PRKX: variants seen among roughly 807,000 people sequenced by gnomAD.
PRKX encodes the protein cAMP-dependent protein kinase catalytic subunit PRKX.
Under a neutral mutation model 22.0 loss-of-function variants are expected in PRKX, and 12 were observed. The observed-to-expected ratio is 0.54, with a 90% CI of 0.35 to 0.88. The LOEUF (loss-of-function observed/expected upper bound fraction) is 0.88. Ranked by LOEUF, PRKX falls within the 40% of genes least tolerant of loss-of-function variation. PRKX has a pLI of 0.01. For synonymous variants in PRKX, 134 were observed against 137.7 expected, an observed-to-expected ratio of 0.97 and a Z score of 0.19; for missense variants, 217 against 308.0, an observed-to-expected ratio of 0.70 and a Z score of 2.21.
chrX:3,676,996 T>C (rs1356985358), intron 1 of PRKX, among the ~76,000 whole-genome samples: 2 of 111,937 alleles, frequency 1.8e-5, no homozygotes, highest in Non-Finnish European at 1.9e-5. Context: ...CTCTTTCCTT[T>C]ATAAATTAAC....
At chrX:3,654,043 TTATA>T (rs1183966514) in intron 3 of PRKX, among the ~76,000 whole-genome samples, 36 of 82,967 alleles carry the variant, frequency 4.3e-4, no homozygotes, top group African/African-American at 1.6e-3. Context: ...AATATATATA[TTATA>T]TATATTATAT....
chrX:3,653,851 T>TATATATATTATATATTATATACTATGTG (rs1927404244), intron 3 of PRKX, among the ~76,000 whole-genome samples: 8 of 77,505 alleles, frequency 1.0e-4, no homozygotes, highest in Admixed American at 2.0e-4. Context: ...TACTATGTGA[T>TATATATATTATATATTATATACTATGTG]ATATATATTA....
At chrX:3,705,536 G>A (rs753457374) in intron 1 of PRKX, among the ~76,000 whole-genome samples, 7 of 111,209 alleles carry the variant, frequency 6.3e-5, no homozygotes, top group Non-Finnish European at 1.1e-4. Context: ...CAGAAACATC[G>A]GTTCCACCTT....
At chrX:3,663,051 G>C (rs1212409586) in intron 2 of PRKX, among the ~76,000 whole-genome samples, 1 of 106,430 alleles carries the variant, frequency 9.4e-6, no homozygotes, top group Non-Finnish European at 1.9e-5. Context: ...AGATGCCCAG[G>C]TTGGTCTCAA....
chrX:3,664,101 T>G (rs1927669654), intron 2 of PRKX, among the ~76,000 whole-genome samples: 1 of 111,957 alleles, frequency 8.9e-6, no homozygotes, highest in Admixed American at 9.5e-5. Flanking sequence ...AACACTGCCT[T>G]GCACAGCTGA....
chrX:3,699,319 G>A (rs890514429), intron 1 of PRKX, among the ~76,000 whole-genome samples: 1 of 109,568 alleles, frequency 9.1e-6, no homozygotes. Flanking sequence ...TTACAGGCGG[G>A]AGCCACCGTG....
chrX:3,692,999 G>A (rs1170498199), intron 1 of PRKX, among the ~76,000 whole-genome samples: 1 of 111,176 alleles, frequency 9.0e-6, no homozygotes, highest in Non-Finnish European at 1.9e-5. Flanking sequence ...AAAAAAAGGA[G>A]TCAATATAAT....
intron 2 of PRKX, among the ~76,000 whole-genome samples, chrX:3,662,017 T>C (rs1172573599): frequency 1.8e-5 from 2 of 112,122 alleles, no homozygotes; most frequent in African/African-American, 6.5e-5. Flanking sequence ...ACATTCTTTA[T>C]TGGTTTCCAA....
intron 4 of PRKX, among the ~76,000 whole-genome samples, chrX:3,637,981 C>T (rs112772796): frequency 4.5e-5 from 5 of 110,218 alleles, no homozygotes; most frequent in Non-Finnish European, 9.5e-5. Flanking sequence ...AGGCTGGTCT[C>T]GAACTCCTGA....
At chrX:3,655,018 T>C in intron 3 of PRKX, 131 bp downstream of exon 3, 2 of 943,047 alleles carry the variant, frequency 2.1e-6, no homozygotes, top group Non-Finnish European at 2.9e-6. Flanking sequence ...TCATCCCTGG[T>C]TGCAAGTGTC....
At chrX:3,626,660 CTGAA>C in intron 4 of PRKX, 146 bp from the exon 5 acceptor site, 1 of 513,427 alleles carries the variant, frequency 1.9e-6, no homozygotes, top group Non-Finnish European at 3.4e-6. Context: ...TTGTCACGAT[CTGAA>C]AGCACGTGAC....
At chrX:3,648,606 CTGTGTGTGTGTGTGTGTGTG>C (rs58698248) in intron 3 of PRKX, among the ~76,000 whole-genome samples, 14,816 of 72,074 alleles carry the variant, frequency 0.21, 1,199 homozygotes, top group East Asian at 0.46. Context: ...CTCTCTACTC[CTGTGTGTGTGTGTGTGTGTG>C]TGTGTGTGTG....
intron 6 of PRKX, 62 bp downstream of exon 6, chrX:3,621,197 G>T: frequency 9.9e-7 from 1 of 1,006,978 alleles, no homozygotes; most frequent in Non-Finnish European, 1.4e-6. Context: ...TGCCAATGTG[G>T]GTGTTAGACG....
At chrX:3,615,075 G>A (rs1798723896) in intron 7 of PRKX, among the ~76,000 whole-genome samples, 1 of 94,848 alleles carries the variant, frequency 1.1e-5, no homozygotes, top group Middle Eastern at 5.4e-3. Flanking sequence ...CTGGAGTGCA[G>A]TGGCATAATC....
chrX:3,684,529 C>T (rs982228984), intron 1 of PRKX, among the ~76,000 whole-genome samples: 41 of 111,766 alleles, frequency 3.7e-4, no homozygotes, highest in African/African-American at 1.3e-3. Flanking sequence ...ACTCTGACCT[C>T]GGTTCATCCT....
Position 3,652,593 on chromosome X carries a change from CA to C in PRKX, c.599+2555del, listed in dbSNP as rs1355282229. Among the ~76,000 whole-genome samples, 3 of 110,398 alleles carry C rather than the reference CA, an allele frequency of 2.7e-5. No individual in the cohort carries two copies. In the Admixed American group the frequency reaches 2.9e-4, roughly 11 times the overall value. On this transcript the variant is annotated intron_variant, in intron 3 of 8. Coordinates refer to ENST00000262848, the MANE Select transcript of PRKX (RefSeq NM_005044.5). ...AGCGAGACTTCGTCCCAAAAAAAAA[CA>C]AAAAAACAAACAAAAAAGGATAACT...
intron 2 of PRKX, among the ~76,000 whole-genome samples, chrX:3,665,639 C>G (rs1927707532): frequency 9.0e-6 from 1 of 111,166 alleles, no homozygotes; most frequent in South Asian, 3.8e-4. Flanking sequence ...ACACAACATG[C>G]TGTATCCTCT....
At chrX:3,623,151 C>CGTGT (rs60593114) in intron 5 of PRKX, among the ~76,000 whole-genome samples, 2,256 of 96,069 alleles carry the variant, frequency 0.023, 58 homozygotes, top group African/African-American at 0.067. Context: ...TAAATTTCAA[C>CGTGT]GTGTGTGTGT....
intron 6 of PRKX, 133 bp downstream of exon 6, chrX:3,621,126 C>A: frequency 4.2e-6 from 2 of 480,724 alleles, no homozygotes; most frequent in South Asian, 4.4e-5. Flanking sequence ...AATAAAACAC[C>A]AGATTTGAAA....
Sources: gnomAD v4.1 joint callset for allele counts (sites outside exome capture counted in the v4.1 genomes callset) on GRCh38, gnomAD v4.1.1 for gene constraint, MANE v1.5 for transcripts, NCBI Gene and HGNC (gene_info 2026-07-23, HGNC 2026-07-21) for gene names.